The following SEC14L1 variants were observed in gnomAD, a reference collection of about 807,000 sequenced individuals.
The protein encoded by SEC14L1 is SEC14 like lipid binding 1.
Under a neutral mutation model 85.3 loss-of-function variants are expected in SEC14L1, and 48 were observed. That is an observed-to-expected ratio of 0.56 (90% CI 0.45 to 0.72). The LOEUF (loss-of-function observed/expected upper bound fraction) is 0.72, where lower values mean the gene tolerates loss of function less well. SEC14L1 is among the 30% of genes least tolerant of loss of function. SEC14L1 has a pLI of 0.00. For missense variants in SEC14L1, 682 were observed against 921.4 expected, an observed-to-expected ratio of 0.74 and a Z score of 3.36; for synonymous variants, 391 against 355.5, an observed-to-expected ratio of 1.10 and a Z score of -1.12.
intron 3 of SEC14L1, among the ~76,000 whole-genome samples, chr17:77,127,207 A>T (rs1003639598): frequency 6.6e-6 from 1 of 150,390 alleles, no homozygotes; most frequent in Non-Finnish European, 1.5e-5. Context: ...TCATTGTTCA[A>T]CTCCCACTTA....
intron 3 of SEC14L1, among the ~76,000 whole-genome samples, chr17:77,179,877 C>G (rs574508617): frequency 1.0e-3 from 158 of 152,102 alleles, no homozygotes; most frequent in African/African-American, 3.6e-3. Context: ...CGGGGTTTCA[C>G]TGTGTTAGCC....
At chr17:77,108,693 C>T (rs1427424312) in intron 3 of SEC14L1, among the ~76,000 whole-genome samples, 1 of 146,336 alleles carries the variant, frequency 6.8e-6, no homozygotes, top group Non-Finnish European at 1.5e-5. Context: ...GAGCCAAGAT[C>T]ATGCCACTGC....
At chr17:77,154,215 A>C (rs942913658) in intron 3 of SEC14L1, among the ~76,000 whole-genome samples, 31 of 152,364 alleles carry the variant, frequency 2.0e-4, no homozygotes, top group Admixed American at 1.6e-3. Context: ...TCACATCTGT[A>C]ATCCCAGTGC....
chr17:77,159,364 G>A (rs1973958225), intron 3 of SEC14L1, among the ~76,000 whole-genome samples: 1 of 149,702 alleles, frequency 6.7e-6, no homozygotes, highest in African/African-American at 2.5e-5. Flanking sequence ...ACCACACCCG[G>A]CCTCTTTTCT....
chr17:77,180,616 G>A (rs188548332), intron 3 of SEC14L1, among the ~76,000 whole-genome samples: 33 of 152,210 alleles, frequency 2.2e-4, no homozygotes, highest in African/African-American at 7.7e-4. Flanking sequence ...CTGAAGACTG[G>A]TACCCGAGGC....
At chr17:77,211,583 C>G (rs1260926618) in intron 14 of SEC14L1, 1 of 199,274 alleles carries the variant, frequency 5.0e-6, no homozygotes, top group Non-Finnish European at 1.0e-5. Context: ...TTCACCTTCT[C>G]CAGGGCCTTC....
intron 3 of SEC14L1, among the ~76,000 whole-genome samples, chr17:77,113,448 A>G (rs555073581): frequency 1.1e-3 from 165 of 152,172 alleles, no homozygotes; most frequent in African/African-American, 3.8e-3. Context: ...CAGGCTTGAT[A>G]AAGAACGAGT....
intron 3 of SEC14L1, among the ~76,000 whole-genome samples, chr17:77,189,842 A>G (rs542711489): frequency 3.0e-4 from 45 of 152,148 alleles, no homozygotes; most frequent in Admixed American, 6.5e-4. Flanking sequence ...GTTAGCCTGG[A>G]TGGTCTCAAT....
At chr17:77,150,670 CGGGCAGCTGTGCCCATGTT>C (rs1165333285) in intron 3 of SEC14L1, among the ~76,000 whole-genome samples, 3 of 152,182 alleles carry the variant, frequency 2.0e-5, no homozygotes, top group Admixed American at 6.5e-5. Context: ...CACTTTCTGA[CGGGCAGCTGTGCCCATGTT>C]GGGCAGCTGT....
At position 77,214,445 on chromosome 17, in the gene SEC14L1, G is replaced by T; in HGVS notation, c.*422G>T. ...CACCTGGGACGGAAGCTGCCAGCTCGCTTCCCCCAAGCTGCCTCATGGCCC... is the reference window on the plus strand; with the variant it reads ...CACCTGGGACGGAAGCTGCCAGCTCTCTTCCCCCAAGCTGCCTCATGGCCC... On this transcript the variant is annotated 3_prime_UTR_variant, in exon 17 of 17. Transcript: ENST00000436233. The T allele has an allele frequency of 1.0e-6, 1 of 1,001,060 alleles. No homozygotes were observed. Among genetic ancestry groups the T allele is most frequent in the Non-Finnish European group, 1.2e-6 (1 of 838,840 alleles). 62.0% of individuals were successfully genotyped at this position (1,001,060 alleles called of 1,614,324 possible).
chr17:77,185,012 A>T (rs1470679482), intron 3 of SEC14L1, among the ~76,000 whole-genome samples: 1 of 152,232 alleles, frequency 6.6e-6, no homozygotes, highest in African/African-American at 2.4e-5. Context: ...TGCTGACAGT[A>T]TGCAGAATCT....
rs1976854240 is a variant in SEC14L1 at position 77,213,180 on chromosome 17, TC to T, written c.1864-133del. ...CTGCTGCTGAAGCAAAATAGCAGGT[TC>T]TGAATCCCATTGAGATAGTTTCCGT... On this transcript the variant is annotated intron_variant, in intron 15 of 16. Coordinates refer to ENST00000436233, the MANE Select transcript of SEC14L1 (RefSeq NM_001143998.2). The surrounding 1 kb of genome is among the most constrained non-coding windows in gnomAD (Gnocchi z 7.1). 14 of 747,816 alleles carry T rather than the reference TC, an allele frequency of 1.9e-5. No individual in the cohort carries two copies. In the East Asian group the frequency reaches 3.8e-4, roughly 20 times the overall value. 46.3% of individuals were successfully genotyped at this position (747,816 alleles called of 1,614,324 possible).
At chr17:77,197,617 AT>A (rs1057390126) in intron 8 of SEC14L1, among the ~76,000 whole-genome samples, 1,505 of 146,332 alleles carry the variant, frequency 0.01, 27 homozygotes, top group African/African-American at 0.032. Flanking sequence ...ATGTTTTTGA[AT>A]TTTTTTTTTT....
intron 5 of SEC14L1, among the ~76,000 whole-genome samples, chr17:77,191,828 C>CT (rs1339530019): frequency 6.7e-6 from 1 of 149,524 alleles, no homozygotes; most frequent in African/African-American, 2.5e-5. Flanking sequence ...TGGAGTCTCA[C>CT]TCTTGTCACC....
At chr17:77,122,699 A>C (rs1381051375) in intron 3 of SEC14L1, among the ~76,000 whole-genome samples, 1 of 152,144 alleles carries the variant, frequency 6.6e-6, no homozygotes, top group Non-Finnish European at 1.5e-5. Flanking sequence ...GATAACCCTG[A>C]CTCACCCTGG....
At chr17:77,126,256 T>C (rs1972444301) in intron 3 of SEC14L1, among the ~76,000 whole-genome samples, 1 of 152,226 alleles carries the variant, frequency 6.6e-6, no homozygotes, top group Non-Finnish European at 1.5e-5. Context: ...CCTCTCTGTA[T>C]CTTGGTGTCC....
chr17:77,112,278 T>C (rs1422033789), intron 3 of SEC14L1, among the ~76,000 whole-genome samples: 1 of 152,100 alleles, frequency 6.6e-6, no homozygotes, highest in African/African-American at 2.4e-5. Flanking sequence ...AATTAGCCAG[T>C]CTCGGGTCTC....
rs750510074 is a variant in SEC14L1, at chr17:77,213,301, C to T, written c.1864-13C>T. The T allele has an allele frequency of 8.8e-6, 14 of 1,595,552 alleles. No homozygotes were observed. In the South Asian group the frequency reaches 1.5e-4, roughly 17 times the overall value. On this transcript the variant is annotated splice_polypyrimidine_tract_variant and intron_variant, in intron 15 of 16. Transcript: ENST00000436233. This position sits in a 1 kb window ranked among gnomAD's most constrained non-coding sequence, Gnocchi z 7.1. ...CGAGTCGCCCTCAGCTGCCACTGCC[C>T]TACTTGTTCTAGGGTTCCCATGTGA...
Position 77,212,081 on chromosome 17 carries a change from C to T in SEC14L1, c.1743C>T (p.Ala581=). ...CACCCAAAAAGGACTCCCTGGGAGC[C>T]CACAGCATCACCTCTCCGGGTGGGA... is the stretch of plus-strand genomic sequence containing the variant. The part of the protein sequence containing the change: ...PQPPKKDSLG[A]HSITSPGGNN... Residue 581 remains alanine, a synonymous_variant, in exon 15 of 17, where the codon GCC becomes GCT. Coordinates refer to ENST00000436233, the MANE Select transcript of SEC14L1 (RefSeq NM_001143998.2). 1 of 1,614,156 alleles carries T rather than the reference C, an allele frequency of 6.2e-7. No homozygotes were observed. The highest frequency in any genetic ancestry group is 8.5e-7 in the Non-Finnish European group (1 of 1,180,042).
Sources: allele counts gnomAD v4.1 joint callset (sites outside exome capture counted in the v4.1 genomes callset), GRCh38; gene constraint gnomAD v4.1.1; non-coding constraint Gnocchi (gnomAD v3.1); transcripts MANE v1.5; gene names NCBI Gene and HGNC (gene_info 2026-07-23, HGNC 2026-07-21).